TEX30: variants seen among roughly 807,000 people sequenced by gnomAD.
The protein encoded by TEX30 is testis-expressed protein 30.
TEX30 carries 14 observed loss-of-function variants against 23.8 expected under a neutral mutation model. The ratio of observed to expected loss-of-function variants is 0.59; its 90% CI spans 0.39 to 0.92. The LOEUF is 0.92. Among genes scored for constraint, TEX30 ranks in the 40% least tolerant of loss-of-function variants. TEX30 has a pLI of 0.00. For missense variants in TEX30, 246 were observed against 270.6 expected (o/e 0.91, Z 0.64); for synonymous variants, 78 against 90.2 (o/e 0.87, Z 0.76).
chr13:102,771,240 T>A (rs779864702), intron 1 of TEX30, among the ~76,000 whole-genome samples: 1 of 152,224 alleles, frequency 6.6e-6, no homozygotes, highest in Non-Finnish European at 1.5e-5. Flanking sequence ...AATTTTTTCA[T>A]AGAACTTCCC....
Position 102,766,180 on chromosome 13 carries a change from T to C in TEX30, c.*221A>G, listed in dbSNP as rs1876855798. 1.2e-5 allele frequency: 4 copies of C among 333,678 alleles called. No individual in the cohort carries two copies. The East Asian group carries it at 2.0e-4, about 16-fold the overall frequency. The allele number at this position is 333,678 out of a possible 1,614,324, so 20.7% of individuals were successfully genotyped here. A position where few individuals can be genotyped will look rare whatever the true frequency, so the allele number is the denominator to read the frequency against. On this transcript the variant is annotated 3_prime_UTR_variant, in exon 6 of 6. Coordinates refer to ENST00000376032, the MANE Select transcript of TEX30 (RefSeq NM_138779.5). ...TATACTAATGAAAATAAATTATATG[T>C]AGACCACCTTCAATATTTTTACATC...
chr13:102,772,147 T>C (rs1194558930), intron 1 of TEX30, among the ~76,000 whole-genome samples: 10 of 152,126 alleles, frequency 6.6e-5, no homozygotes, highest in Non-Finnish European at 1.3e-4. Context: ...TTCCCTATTT[T>C]TTTTTTTTTT....
chr13:102,773,206 G>A (rs1449090752), intron 1 of TEX30, among the ~76,000 whole-genome samples: 1 of 152,208 alleles, frequency 6.6e-6, no homozygotes, highest in South Asian at 2.1e-4. Context: ...CGTTGAGTCC[G>A]AGTCTTACGG....
At chr13:102,768,117 C>A in intron 4 of TEX30, 143 bp downstream of exon 4, 1 of 633,334 alleles carries the variant, frequency 1.6e-6, no homozygotes, top group Non-Finnish European at 2.7e-6. Flanking sequence ...ATATAAAGTG[C>A]TTTAACATTA....
At chr13:102,768,220 A>G in intron 4 of TEX30, 40 bp downstream of exon 4, 1 of 1,482,798 alleles carries the variant, frequency 6.7e-7, no homozygotes, top group East Asian at 2.3e-5. Flanking sequence ...TCCTATATTA[A>G]AACAGGTAAT....
chr13:102,772,924 G>T (rs771221523), intron 1 of TEX30, among the ~76,000 whole-genome samples: 1 of 152,258 alleles, frequency 6.6e-6, no homozygotes, highest in Non-Finnish European at 1.5e-5. Flanking sequence ...TTTGAAGCCT[G>T]GCCCGGCCTC....
At position 102,766,443 on chromosome 13, in the gene TEX30, A is replaced by C. The variant is rs759329288; in HGVS notation, c.642T>G (p.Phe214Leu). 2 of 1,613,912 alleles carry C rather than the reference A, an allele frequency of 1.2e-6. No homozygotes were observed. The highest frequency in any genetic ancestry group is 1.7e-6 in the Non-Finnish European group (2 of 1,179,910). Residue 214 changes from phenylalanine to leucine, a missense_variant, in exon 6 of 6, where the codon TTT (phenylalanine) becomes TTG (leucine). Physicochemically the swap from Phe to Leu is conservative, Grantham distance 22. Transcript: ENST00000376032. Reference protein sequence around the residue: ...VFKEINTQILFWIQEITEMDK... With the variant: ...VFKEINTQILLWIQEITEMDK... Reference sequence around the variant, plus strand: ...CCATTTCAGTAATTTCTTGGATCCAAAACAAAATCTGTGTATTTATTTCTT... The same window carrying C: ...CCATTTCAGTAATTTCTTGGATCCACAACAAAATCTGTGTATTTATTTCTT...
intron 1 of TEX30, among the ~76,000 whole-genome samples, chr13:102,771,840 A>C (rs970317216): frequency 1.3e-5 from 2 of 152,186 alleles, no homozygotes; most frequent in Non-Finnish European, 2.9e-5. Context: ...CACCTAAATC[A>C]TCTTTCTTTA....
intron 3 of TEX30, 116 bp downstream of exon 3, chr13:102,769,195 T>C: frequency 4.1e-6 from 3 of 739,788 alleles, no homozygotes; most frequent in Non-Finnish European, 6.2e-6. Context: ...TTTCTAAGAA[T>C]ACACTCATTC....
In TEX30 at chr13:102,769,431, C is replaced by G. The variant is rs1455402499; in HGVS notation, c.126G>C (p.Met42Ile). The G allele has an allele frequency of 6.2e-7, 1 of 1,610,962 alleles. No homozygotes were observed. Among genetic ancestry groups the G allele is most frequent in the Non-Finnish European group, 8.5e-7 (1 of 1,178,874 alleles). ...CCAGTGACATCAAATGAGGAAGATT[C>G]ATATCTCCTGATGCTCCATGTGTAA... ...IILTHGASGD[M>I]NLPHLMSLAS... The change falls in exon 3 of 6, where the codon ATG (methionine) becomes ATC (isoleucine). Residue 42 changes from methionine (M) to isoleucine (I), a missense_variant. Met to Ile is a conservative substitution (Grantham distance 10, BLOSUM62 1). Transcript: ENST00000376032.
chr13:102,769,603 A>T, intron 2 of TEX30, 62 bp from the exon 3 acceptor site: 1 of 971,000 alleles, frequency 1.0e-6, no homozygotes, highest in Non-Finnish European at 1.6e-6. Flanking sequence ...ACAACTGAAC[A>T]GCTATATATA....
intron 2 of TEX30, 123 bp downstream of exon 2, chr13:102,769,889 A>T: frequency 1.2e-6 from 1 of 850,986 alleles, no homozygotes; most frequent in Non-Finnish European, 1.7e-6. Context: ...CCTCGCTCTT[A>T]ACCACTTATG....
Position 102,769,412 on chromosome 13 carries a change from A to T in TEX30, c.145T>A (p.Ser49Thr). Reference sequence around the variant, plus strand: ...TGAGATGCAAGATGGGATGCCAGTGACATCAAATGAGGAAGATTCATATCT... The same window carrying T: ...TGAGATGCAAGATGGGATGCCAGTGTCATCAAATGAGGAAGATTCATATCT... ...SGDMNLPHLMSLASHLASHGF... is the reference protein window; with the variant it reads ...SGDMNLPHLMTLASHLASHGF... The change falls in exon 3 of 6, where the codon TCA becomes ACA. Residue 49 changes from serine to threonine, a missense_variant. Coordinates refer to ENST00000376032, the MANE Select transcript of TEX30 (RefSeq NM_138779.5). 6.2e-7 allele frequency: 1 copy of T among 1,609,896 alleles called. No homozygotes were observed. Among genetic ancestry groups the T allele is most frequent in the Non-Finnish European group, 8.5e-7 (1 of 1,178,628 alleles).
intron 3 of TEX30, 79 bp downstream of exon 3, chr13:102,769,232 A>G (rs1046554275): frequency 9.5e-7 from 1 of 1,052,222 alleles, no homozygotes; most frequent in Non-Finnish European, 1.3e-6. Flanking sequence ...AAACCAGATG[A>G]CTAATAAAAT....
At chr13:102,769,260 A>G (rs1240126965) in intron 3 of TEX30, 51 bp downstream of exon 3, 16 of 1,240,338 alleles carry the variant, frequency 1.3e-5, no homozygotes, top group Non-Finnish European at 1.8e-5. Context: ...ACATTTATTA[A>G]GGATTTCAAA....
chr13:102,771,622 CA>C (rs1236512763), intron 1 of TEX30, among the ~76,000 whole-genome samples: 1 of 152,140 alleles, frequency 6.6e-6, no homozygotes, highest in African/African-American at 2.4e-5. Flanking sequence ...TTGAGTGAGA[CA>C]AAGGAGATGA....
At position 102,767,273 on chromosome 13, in the gene TEX30, C is replaced by T. The variant is rs1247767117; in HGVS notation, c.504G>A (p.Lys168=). ...ACACAAACATTGAGTTATAATTCAC[C>T]TTTTCACACATTTCATCTGCTGAGC... is the stretch of plus-strand genomic sequence containing the variant. The part of the protein sequence containing the change: ...VSGSADEMCE[K]NLLEKVAQKM... The change falls in exon 5 of 6, where the codon AAG becomes AAA. Residue 168 remains lysine, a splice_region_variant and synonymous_variant. Transcript: ENST00000376032. 6.2e-7 allele frequency: 1 copy of T among 1,612,056 alleles called. No individual in the cohort carries two copies. The highest frequency in any genetic ancestry group is 1.3e-5 in the African/African-American group (1 of 75,004).
intron 1 of TEX30, chr13:102,770,318 T>C: frequency 3.8e-6 from 1 of 263,644 alleles, no homozygotes; most frequent in Non-Finnish European, 7.1e-6. Flanking sequence ...ACATGGAAAC[T>C]GTAAGGTAAT....
intron 4 of TEX30, 26 bp downstream of exon 4, chr13:102,768,233 AC>A: frequency 6.4e-7 from 1 of 1,552,838 alleles, no homozygotes; most frequent in Non-Finnish European, 8.8e-7. Context: ...CAGGTAATTA[AC>A]AAGTATTCAC....
Sources: allele counts gnomAD v4.1 joint callset (sites outside exome capture counted in the v4.1 genomes callset), GRCh38; gene constraint gnomAD v4.1.1; transcripts MANE v1.5; gene names NCBI Gene and HGNC (gene_info 2026-07-23, HGNC 2026-07-21).